Variants in TRIM67 observed in about 807,000 individuals in gnomAD.
TRIM67 encodes tripartite motif containing 67.
A neutral mutation model predicts 71.0 loss-of-function variants in TRIM67; 39 were observed. The ratio of observed to expected loss-of-function variants is 0.55; its 90% CI spans 0.43 to 0.72. The LOEUF (loss-of-function observed/expected upper bound fraction) is 0.72. Ranked by LOEUF, TRIM67 falls within the 30% of genes least tolerant of loss-of-function variation. The pLI is 0.00. For synonymous variants in TRIM67, 481 were observed against 473.9 expected, an observed-to-expected ratio of 1.01 and a Z score of -0.19; for missense variants, 973 against 1,079.2, an observed-to-expected ratio of 0.90 and a Z score of 1.38.
intron 1 of TRIM67, among the ~76,000 whole-genome samples, chr1:231,177,275 T>C (rs1003475125): frequency 6.6e-6 from 1 of 152,172 alleles, no homozygotes; most frequent in Admixed American, 6.5e-5. Flanking sequence ...GGTGCATAAT[T>C]TGACGACAGA....
intron 1 of TRIM67, among the ~76,000 whole-genome samples, chr1:231,164,708 G>T (rs1020371664): frequency 1.3e-5 from 2 of 152,106 alleles, no homozygotes; most frequent in Non-Finnish European, 2.9e-5. Flanking sequence ...GAGGCAAGAG[G>T]TCTCCACACA....
At position 231,219,643 on chromosome 1, in the gene TRIM67, G is replaced by A. The variant is rs1467848648; in HGVS notation, c.*4203G>A. The A allele has an allele frequency of 1.2e-5, 14 of 1,145,426 alleles. No homozygotes were observed. The highest frequency in any genetic ancestry group is 1.5e-5 in the Non-Finnish European group (14 of 921,082). The allele number at this position is 1,145,426 out of a possible 1,614,324, so 71.0% of individuals were successfully genotyped here. A position where few individuals can be genotyped will look rare whatever the true frequency, so the allele number is the denominator to read the frequency against. On this transcript the variant is annotated 3_prime_UTR_variant, in exon 10 of 10. Coordinates refer to ENST00000366653, the MANE Select transcript of TRIM67 (RefSeq NM_001004342.5). ...AAACTCGTTACCTTTGTTTTCCTTG[G>A]CCACATTTTACTGGAAGCAACAGGA...
chr1:231,186,963 C>A (rs180915671), intron 1 of TRIM67, among the ~76,000 whole-genome samples: 5 of 152,294 alleles, frequency 3.3e-5, no homozygotes, highest in Admixed American at 2.6e-4. Flanking sequence ...TTTACCCGCA[C>A]ATCCCACGAC....
chr1:231,176,296 T>C (rs958109354), intron 1 of TRIM67, among the ~76,000 whole-genome samples: 2 of 152,078 alleles, frequency 1.3e-5, no homozygotes, highest in African/African-American at 2.4e-5. Context: ...GCGCCTGATA[T>C]GAAAAGTGGA....
chr1:231,216,282 T>C lies in TRIM67; in HGVS notation c.*842T>C. 1 of 905,942 alleles carries C rather than the reference T, an allele frequency of 1.1e-6. No individual in the cohort carries two copies. 56.1% of individuals were successfully genotyped at this position (905,942 alleles called of 1,614,324 possible). On this transcript the variant is annotated 3_prime_UTR_variant, in exon 10 of 10. Transcript: ENST00000366653. The stretch of plus-strand genomic sequence containing the variant: ...CTTTCGCTCTCTTTCCCTCCCTCCT[T>C]CTCTCTCTCTCTCACACACACACAG...
chr1:231,170,487 A>C (rs1319683468), intron 1 of TRIM67, among the ~76,000 whole-genome samples: 2 of 152,202 alleles, frequency 1.3e-5, no homozygotes, highest in Admixed American at 6.5e-5. Flanking sequence ...ACTATTCATG[A>C]ATATATTTCA....
At chr1:231,210,375 C>T (rs780256558) in intron 8 of TRIM67, among the ~76,000 whole-genome samples, 28 of 152,040 alleles carry the variant, frequency 1.8e-4, no homozygotes, top group Admixed American at 6.5e-5. Context: ...AGGGAAGCCA[C>T]GTCTAATCTG....
At chr1:231,212,818 C>T (rs1054483961) in intron 8 of TRIM67, among the ~76,000 whole-genome samples, 8 of 152,188 alleles carry the variant, frequency 5.3e-5, no homozygotes, top group African/African-American at 1.9e-4. Context: ...ATGTTCCTTA[C>T]TTTTATTATA....
intron 4 of TRIM67, among the ~76,000 whole-genome samples, chr1:231,200,863 C>T (rs1683500974): frequency 6.6e-6 from 1 of 152,140 alleles, no homozygotes; most frequent in Admixed American, 6.5e-5. Context: ...GGAGCAGAAC[C>T]ACGGGTGTGA....
chr1:231,177,397 G>A (rs78984941), intron 1 of TRIM67, among the ~76,000 whole-genome samples: 3 of 152,302 alleles, frequency 2.0e-5, no homozygotes, highest in East Asian at 3.9e-4. Context: ...TTTGGTTGCC[G>A]GGCGATGAGA....
At chr1:231,197,847 A>AAGAAGG (rs200053870) in intron 2 of TRIM67, among the ~76,000 whole-genome samples, 5,711 of 151,584 alleles carry the variant, frequency 0.038, 217 homozygotes, top group East Asian at 0.19. Flanking sequence ...GAAGAAGAAG[A>AAGAAGG]AGAAGGAGAA....
rs546945704 is a variant in TRIM67 at position 231,195,326 on chromosome 1, C to T, written c.1045-2045C>T. ...AAGTCCAGCTCCTCAGTCACATTAG[C>T]TACTTCAAGTGCTCAGTACCCACAG... On this transcript the variant is annotated intron_variant, in intron 1 of 9. Coordinates refer to ENST00000366653, the MANE Select transcript of TRIM67 (RefSeq NM_001004342.5). Among the ~76,000 whole-genome samples, 10 of 152,336 alleles carry T rather than the reference C, an allele frequency of 6.6e-5. No individual in the cohort carries two copies. The East Asian group carries it at 1.9e-3, about 29-fold the overall frequency.
intron 1 of TRIM67, among the ~76,000 whole-genome samples, chr1:231,195,927 C>G (rs1271527341): frequency 6.6e-6 from 1 of 152,190 alleles, no homozygotes. Flanking sequence ...CTTTGACAAC[C>G]GTTGGTGTGG....
chr1:231,190,802 C>T (rs1041922325), intron 1 of TRIM67, among the ~76,000 whole-genome samples: 1 of 152,190 alleles, frequency 6.6e-6, no homozygotes, highest in African/African-American at 2.4e-5. Context: ...CTGGCTGCCA[C>T]TATTTCATGG....
rs899403418 is a variant in TRIM67 at position 231,209,182 on chromosome 1, C to A, written c.2055C>A (p.Asp685Glu). ...AGGACATGATGCTGGGCAAGGATGA[C>A]AAGGCCTGGGCCATGTATGTGGACA... ...VVKDMMLGKD[D>E]KAWAMYVDNN... The change falls in exon 8 of 10, where the codon GAC (aspartate) becomes GAA (glutamate). Residue 685 changes from aspartate (D) to glutamate (E), a missense_variant. Transcript: ENST00000366653. This position sits in a 1 kb window ranked among gnomAD's most constrained non-coding sequence, Gnocchi z 4.1. 12 of 1,611,098 alleles carry A rather than the reference C, an allele frequency of 7.4e-6. No homozygotes were observed. Among genetic ancestry groups the A allele is most frequent in the Non-Finnish European group, 1.0e-5 (12 of 1,178,124 alleles).
chr1:231,204,267 G>A (rs773442300), intron 6 of TRIM67, among the ~76,000 whole-genome samples: 5 of 152,130 alleles, frequency 3.3e-5, no homozygotes, highest in Admixed American at 2.6e-4. Flanking sequence ...CTCCTTTCCC[G>A]TTTACCCCCA....
chr1:231,192,976 A>G (rs1683273067), intron 1 of TRIM67, among the ~76,000 whole-genome samples: 1 of 152,168 alleles, frequency 6.6e-6, no homozygotes, highest in African/African-American at 2.4e-5. Context: ...CTTGCCAAGC[A>G]GGAAGAAGGT....
rs76612339 is a variant in TRIM67, at chr1:231,191,295, G to C, written c.1045-6076G>C. ...GCTTAGGCTAGTCTAGAACTCCTGG[G>C]CTCAAGTGATCCTCCCGCCTTGGCC... is the stretch of plus-strand genomic sequence containing the variant. On this transcript the variant is annotated intron_variant, in intron 1 of 9. Transcript: ENST00000366653. Among the ~76,000 whole-genome samples, 4 of 152,308 alleles carry C rather than the reference G, an allele frequency of 2.6e-5. No individual in the cohort carries two copies. In the East Asian group the frequency reaches 7.7e-4, roughly 29 times the overall value.
chr1:231,191,197 G>A (rs563361705), intron 1 of TRIM67, among the ~76,000 whole-genome samples: 10 of 152,262 alleles, frequency 6.6e-5, no homozygotes, highest in African/African-American at 2.4e-4. Flanking sequence ...CTGAGTAGCT[G>A]GGACTACAGG....
Sources: allele counts gnomAD v4.1 joint callset (sites outside exome capture counted in the v4.1 genomes callset), GRCh38; gene constraint gnomAD v4.1.1; non-coding constraint Gnocchi (gnomAD v3.1); transcripts MANE v1.5; gene names NCBI Gene and HGNC (gene_info 2026-07-23, HGNC 2026-07-21).